LVRN: variants seen among roughly 807,000 people sequenced by gnomAD.
The protein encoded by LVRN is laeverin.
Under a neutral mutation model 111.4 loss-of-function variants are expected in LVRN, and 99 were observed. The observed-to-expected ratio is 0.89, with a 90% CI of 0.76 to 1.05. The LOEUF (loss-of-function observed/expected upper bound fraction) is 1.05, where lower values mean the gene tolerates loss of function less well. Among genes scored for constraint, LVRN ranks in the 50% least tolerant of loss-of-function variants. The pLI is 0.00. For synonymous variants in LVRN, 488 were observed against 449.5 expected (o/e 1.09, Z -1.08); for missense variants, 1,414 against 1,206.8 (o/e 1.17, Z -2.54).
chr5:116,020,665 G>A (rs1748707868), intron 18 of LVRN, among the ~76,000 whole-genome samples: 1 of 152,224 alleles, frequency 6.6e-6, no homozygotes, highest in South Asian at 2.1e-4. Flanking sequence ...TATCAGAGTG[G>A]AGGGTCCAAG....
At chr5:115,983,589 C>T (rs939620120) in intron 2 of LVRN, among the ~76,000 whole-genome samples, 160 bp downstream of exon 2, 3 of 152,176 alleles carry the variant, frequency 2.0e-5, no homozygotes, top group Non-Finnish European at 1.5e-5. Flanking sequence ...TCAGCATCCA[C>T]ACCTTGGAGA....
rs530421619 is a variant in LVRN at position 115,996,681 on chromosome 5, C to T, written c.1374+2827C>T. Among the ~76,000 whole-genome samples, 144 of 152,254 alleles carry T rather than the reference C, an allele frequency of 9.5e-4. 2 individuals carry two copies. The highest frequency in any genetic ancestry group is 3.4e-3 in the Middle Eastern group (1 of 294). Reference sequence around the variant, plus strand: ...GCTCAAGGGGTCAGAACATTAGGGACGAAGGCTTTCTGGAACTCTGAAGCT... The same window carrying T: ...GCTCAAGGGGTCAGAACATTAGGGATGAAGGCTTTCTGGAACTCTGAAGCT... On this transcript the variant is annotated intron_variant, in intron 6 of 19. Transcript: ENST00000357872.
Position 116,015,714 on chromosome 5 carries a change from G to A in LVRN, c.2705G>A (p.Arg902Gln), listed in dbSNP as rs186045980. 383 of 1,613,022 alleles carry A rather than the reference G, an allele frequency of 2.4e-4. 1 individual carries two copies. The highest frequency in any genetic ancestry group is 3.3e-4 in the Middle Eastern group (2 of 6,082). ...GTTGTGGCTTCATCTGAAGTTGGCC[G>A]GTATGTCGCAAAAGACTTCTTAGTC... The part of the protein sequence containing the change: ...IEVVASSEVG[R>Q]YVAKDFLVNN... The change falls in exon 18 of 20, where the codon CGG becomes CAG. Residue 902 changes from arginine (R) to glutamine (Q), a missense_variant. Arg to Gln is a conservative substitution (Grantham distance 43). Coordinates refer to ENST00000357872, the MANE Select transcript of LVRN (RefSeq NM_173800.5).
At position 116,005,984 on chromosome 5, in the gene LVRN, C is replaced by T. The variant is rs1224098054; in HGVS notation, c.2093+17C>T. 6.4e-7 allele frequency: 1 copy of T among 1,574,378 alleles called. No individual in the cohort carries two copies. Among genetic ancestry groups the T allele is most frequent in the South Asian group, 1.1e-5 (1 of 90,042 alleles). On this transcript the variant is annotated intron_variant, in intron 13 of 19. Transcript: ENST00000357872. ...CTTGTCTAAGTGAGTATATTTTCTT[C>T]TCTCATGGTTTCAGAATATACCTTG...
At chr5:115,992,090 A>G (rs762843287) in intron 4 of LVRN, 33 bp from the exon 5 acceptor site, 9 of 1,552,602 alleles carry the variant, frequency 5.8e-6, no homozygotes, top group Non-Finnish European at 7.8e-6. Flanking sequence ...GGAAAAGATT[A>G]TTTTATTTTC....
At chr5:115,977,811 G>A (rs1318689422) in intron 1 of LVRN, among the ~76,000 whole-genome samples, 1 of 152,116 alleles carries the variant, frequency 6.6e-6, no homozygotes, top group Non-Finnish European at 1.5e-5. Flanking sequence ...CTTCACTTTT[G>A]TAATTTAATG....
Position 115,984,486 on chromosome 5 carries a change from G to C in LVRN, c.839-84G>C, listed in dbSNP as rs1397174210. ...AGGAATAGCTGGAAAGGAGTAGCTG[G>C]GTGACAATTGACTTGACAAATTATT... On this transcript the variant is annotated intron_variant, in intron 2 of 19. Transcript: ENST00000357872. 23 of 1,484,318 alleles carry C rather than the reference G, an allele frequency of 1.5e-5. No individual in the cohort carries two copies. In the East Asian group the frequency reaches 3.4e-4, roughly 22 times the overall value. The allele number at this position is 1,484,318 out of a possible 1,614,324, so 91.9% of individuals were successfully genotyped here. A position where few individuals can be genotyped will look rare whatever the true frequency, so the allele number is the denominator to read the frequency against.
chr5:115,983,772 C>CT (rs1263672964), intron 2 of LVRN, among the ~76,000 whole-genome samples: 5 of 152,078 alleles, frequency 3.3e-5, no homozygotes, highest in Non-Finnish European at 7.4e-5. Context: ...GCTCATGTGC[C>CT]TTTTTTTCTT....
chr5:116,002,321 G>A (rs1035805678), intron 10 of LVRN, among the ~76,000 whole-genome samples: 4 of 152,212 alleles, frequency 2.6e-5, no homozygotes, highest in Admixed American at 6.5e-5. Flanking sequence ...TCCAGGTAGC[G>A]TCCAGCAATG....
intron 6 of LVRN, among the ~76,000 whole-genome samples, chr5:115,994,386 C>A (rs1167936824): frequency 6.6e-6 from 1 of 152,052 alleles, no homozygotes; most frequent in South Asian, 2.1e-4. Flanking sequence ...AGTCCTCCCA[C>A]CTCAGCCTTC....
chr5:116,000,289 C>T (rs1379847894), intron 7 of LVRN, 144 bp from the exon 8 acceptor site: 6 of 1,134,714 alleles, frequency 5.3e-6, no homozygotes, highest in Non-Finnish European at 7.8e-6. Flanking sequence ...ATTTTGTTAG[C>T]ACATTCCAAA....
At chr5:116,011,738 C>T (rs938319979) in intron 14 of LVRN, among the ~76,000 whole-genome samples, 1 of 152,080 alleles carries the variant, frequency 6.6e-6, no homozygotes, top group African/African-American at 2.4e-5. Flanking sequence ...ATTGAGGAGG[C>T]TCGTTGATAA....
Position 115,968,169 on chromosome 5 carries a change from A to G in LVRN, c.695+4857A>G, listed in dbSNP as rs148053814. On this transcript the variant is annotated intron_variant, in intron 1 of 19. Transcript: ENST00000357872. ...TGAACATTCTTGCTTTTTTCTCCTC[A>G]TCTTAGTGGGAAAGTTTTTAGCCTT... Among the ~76,000 whole-genome samples, 44 of 152,224 alleles carry G rather than the reference A, an allele frequency of 2.9e-4. No individual in the cohort carries two copies. The East Asian group carries it at 3.9e-3, about 13-fold the overall frequency.
chr5:115,964,566 G>A (rs1580372369), intron 1 of LVRN, among the ~76,000 whole-genome samples: 1 of 150,540 alleles, frequency 6.6e-6, no homozygotes, highest in Non-Finnish European at 1.5e-5. Flanking sequence ...TATTTCAGAG[G>A]AAAAAATAGA....
intron 18 of LVRN, among the ~76,000 whole-genome samples, chr5:116,018,094 C>G (rs867198576): frequency 1.6e-4 from 25 of 151,546 alleles, no homozygotes; most frequent in African/African-American, 5.6e-4. Context: ...GACTCTATTT[C>G]TACCAAAAAT....
chr5:116,017,685 A>G lies in LVRN; in HGVS notation c.2756+1920A>G, dbSNP rs187465044. Among the ~76,000 whole-genome samples, 8 of 152,326 alleles carry G rather than the reference A, an allele frequency of 5.3e-5. No homozygotes were observed. In the East Asian group the frequency reaches 1.5e-3, roughly 29 times the overall value. Reference sequence around the variant, plus strand: ...AAACAAGATTTTTAACCTAAGCTTCAGCTTTCTCATTCATAAAGTGAGGAT... The same window carrying G: ...AAACAAGATTTTTAACCTAAGCTTCGGCTTTCTCATTCATAAAGTGAGGAT... On this transcript the variant is annotated intron_variant, in intron 18 of 19. Coordinates refer to ENST00000357872, the MANE Select transcript of LVRN (RefSeq NM_173800.5).
Position 116,003,291 on chromosome 5 carries a change from T to C in LVRN, c.1948T>C (p.Leu650=). 6.3e-7 allele frequency: 1 copy of C among 1,575,912 alleles called. No homozygotes were observed. The change falls in exon 12 of 20, where the codon TTG becomes CTG. Residue 650 remains leucine (L), a synonymous_variant. Coordinates refer to ENST00000357872, the MANE Select transcript of LVRN (RefSeq NM_173800.5). ...AGATTCTGACCATGACTGGGTGATTTTGAATTTGAATATGACTGGATATTA... is the reference window on the plus strand; with the variant it reads ...AGATTCTGACCATGACTGGGTGATTCTGAATTTGAATATGACTGGATATTA... ...VSDSDHDWVI[L]NLNMTGYYRV...
At chr5:115,988,043 A>G in intron 4 of LVRN, 104 bp downstream of exon 4, 1 of 1,441,186 alleles carries the variant, frequency 6.9e-7, no homozygotes, top group Non-Finnish European at 9.4e-7. Flanking sequence ...CACCATCACC[A>G]TTTAGCTGCT....
At chr5:115,979,596 C>T (rs541319264) in intron 1 of LVRN, among the ~76,000 whole-genome samples, 1 of 152,264 alleles carries the variant, frequency 6.6e-6, no homozygotes. Context: ...GTTTTGGCAC[C>T]TTTCTCTGGA....
Sources: allele counts gnomAD v4.1 joint callset (sites outside exome capture counted in the v4.1 genomes callset), GRCh38; gene constraint gnomAD v4.1.1; transcripts MANE v1.5; gene names NCBI Gene and HGNC (gene_info 2026-07-23, HGNC 2026-07-21).